The following DCHS2 variants were observed in gnomAD, a reference collection of about 807,000 sequenced individuals.
DCHS2 encodes the protein dachsous cadherin-related 2.
In DCHS2, 142 loss-of-function variants were observed where a neutral mutation model predicts 182.4. The ratio of observed to expected loss-of-function variants is 0.78; its 90% CI spans 0.68 to 0.89. The LOEUF (loss-of-function observed/expected upper bound fraction) is 0.89. Ranked by LOEUF, DCHS2 falls within the 40% of genes least tolerant of loss-of-function variation. The pLI, the probability that DCHS2 is intolerant of heterozygous loss-of-function variation, is 0.00. For missense variants in DCHS2, 4,319 were observed against 4,198.6 expected (o/e 1.03, Z -0.79); for synonymous variants, 1,740 against 1,663.3 (o/e 1.05, Z -1.12).
At chr4:154,384,125 T>A (rs944089198) in intron 1 of DCHS2, among the ~76,000 whole-genome samples, 1 of 152,186 alleles carries the variant, frequency 6.6e-6, no homozygotes, top group Non-Finnish European at 1.5e-5. Flanking sequence ...GAAATAGGAC[T>A]ATAATATTCC....
chr4:154,240,460 C>T (rs748669929), intron 18 of DCHS2, 77 bp downstream of exon 18: 28 of 1,511,218 alleles, frequency 1.9e-5, no homozygotes, highest in Admixed American at 4.0e-5. Flanking sequence ...ATTAGTCTAT[C>T]GGCGATGGAA....
chr4:154,235,363 C>T lies in DCHS2; in HGVS notation c.9289G>A (p.Val3097Met). ...RHSNSSGHCS[V>M]EGETAEDKEI... The stretch of plus-strand genomic sequence containing the variant: ...TTATCTTCTGCAGTTTCTCCTTCCA[C>T]AGAACAGTGGCCACTGGAGTTTGAG... The change falls in exon 20 of 20, where the codon GTG (valine) becomes ATG (methionine). Residue 3097 changes from valine (V) to methionine (M), a missense_variant. Physicochemically the swap from Val to Met is conservative, Grantham distance 21 (BLOSUM62 1). Coordinates refer to ENST00000357232, the MANE Select transcript of DCHS2 (RefSeq NM_001358235.2). The T allele has an allele frequency of 1.9e-6, 3 of 1,614,090 alleles. No homozygotes were observed. The highest frequency in any genetic ancestry group is 2.5e-6 in the Non-Finnish European group (3 of 1,179,980).
intron 13 of DCHS2, among the ~76,000 whole-genome samples, chr4:154,279,541 A>G (rs1734026304): frequency 6.6e-6 from 1 of 152,072 alleles, no homozygotes; most frequent in Non-Finnish European, 1.5e-5. Context: ...AGTCCATTCA[A>G]CCACAATGGA....
intron 1 of DCHS2, among the ~76,000 whole-genome samples, chr4:154,454,144 C>T (rs1383547229): frequency 1.3e-5 from 2 of 152,124 alleles, no homozygotes; most frequent in Non-Finnish European, 2.9e-5. Context: ...CGCACACACA[C>T]ACACACACAC....
intron 12 of DCHS2, 99 bp from the exon 13 acceptor site, chr4:154,298,807 T>C (rs73857236): frequency 0.029 from 40,887 of 1,425,142 alleles, 2,137 homozygotes; most frequent in African/African-American, 0.23. Context: ...ATTAAAAATA[T>C]ATTTATTCCC....
At position 154,240,524 on chromosome 4, in the gene DCHS2, T is replaced by C. The variant is rs1560975786; in HGVS notation, c.7359+13A>G. On this transcript the variant is annotated intron_variant, in intron 18 of 19. Transcript: ENST00000357232. ...TTTTGGCTTTGGTTTCGGCATCTCT[T>C]TAAGCCCTTTACCTGATAGAAATCT... 2 of 1,611,842 alleles carry C rather than the reference T, an allele frequency of 1.2e-6. No homozygotes were observed. Among genetic ancestry groups the C allele is most frequent in the Non-Finnish European group, 8.5e-7 (1 of 1,178,464 alleles).
chr4:154,405,796 G>T (rs192597497), intron 1 of DCHS2, among the ~76,000 whole-genome samples: 1 of 152,142 alleles, frequency 6.6e-6, no homozygotes, highest in East Asian at 1.9e-4. Context: ...GTCAACTTGG[G>T]TTATTTCTCA....
intron 18 of DCHS2, among the ~76,000 whole-genome samples, chr4:154,240,330 G>C (rs959538034): frequency 6.6e-6 from 1 of 150,618 alleles, no homozygotes; most frequent in Middle Eastern, 3.4e-3. Flanking sequence ...AAATACATAT[G>C]TAGTAAACTA....
At chr4:154,485,743 G>T (rs1053181467) in intron 1 of DCHS2, among the ~76,000 whole-genome samples, 2 of 152,176 alleles carry the variant, frequency 1.3e-5, no homozygotes, top group African/African-American at 4.8e-5. Context: ...GTATTTGAGG[G>T]AGTATGAAAG....
chr4:154,320,298 C>T (rs1736006326), intron 9 of DCHS2, 81 bp downstream of exon 9: 2 of 1,524,400 alleles, frequency 1.3e-6, no homozygotes, highest in Middle Eastern at 1.8e-4. Context: ...ACACTTAAAA[C>T]TTTGTTAGGA....
At chr4:154,342,546 T>A (rs111344416) in intron 3 of DCHS2, among the ~76,000 whole-genome samples, 3,991 of 152,320 alleles carry the variant, frequency 0.026, 167 homozygotes, top group African/African-American at 0.09. Flanking sequence ...AAATCCTTTG[T>A]TGTCATTTCA....
At chr4:154,322,516 A>C in intron 7 of DCHS2, 28 bp from the exon 8 acceptor site, 1 of 1,574,612 alleles carries the variant, frequency 6.4e-7, no homozygotes, top group Non-Finnish European at 8.6e-7. Context: ...TTAAGAAATG[A>C]ATGTTAATTG....
chr4:154,313,153 AT>A (rs1735730345), intron 10 of DCHS2, among the ~76,000 whole-genome samples: 1 of 152,184 alleles, frequency 6.6e-6, no homozygotes, highest in African/African-American at 2.4e-5. Context: ...CTTTGAGCGA[AT>A]GTGAGTGGTA....
chr4:154,383,623 G>T (rs1171482703), intron 1 of DCHS2, among the ~76,000 whole-genome samples: 1 of 152,094 alleles, frequency 6.6e-6, no homozygotes, highest in Non-Finnish European at 1.5e-5. Context: ...TGTTTCCATG[G>T]TTTTTGGATG....
chr4:154,487,077 C>A (rs1437398277), intron 1 of DCHS2, among the ~76,000 whole-genome samples: 4 of 152,066 alleles, frequency 2.6e-5, no homozygotes, highest in African/African-American at 9.7e-5. Context: ...AGGCTTTCAT[C>A]AAAAAAATCA....
At chr4:154,310,199 T>C (rs1050943474) in intron 10 of DCHS2, among the ~76,000 whole-genome samples, 2 of 152,244 alleles carry the variant, frequency 1.3e-5, no homozygotes, top group Non-Finnish European at 2.9e-5. Context: ...TTCTAAGTTA[T>C]ATTGGCATAA....
chr4:154,369,123 G>T (rs138174030), intron 2 of DCHS2, among the ~76,000 whole-genome samples: 14 of 152,138 alleles, frequency 9.2e-5, no homozygotes, highest in African/African-American at 3.4e-4. Flanking sequence ...ACCCACATGG[G>T]ACAACTATTG....
At chr4:154,456,389 C>T (rs558437954) in intron 1 of DCHS2, among the ~76,000 whole-genome samples, 313 of 152,282 alleles carry the variant, frequency 2.1e-3, no homozygotes, top group Non-Finnish European at 3.8e-3. Context: ...TAGACTCAGT[C>T]CCTGTCCTCC....
At chr4:154,421,299 C>A (rs185419715) in intron 1 of DCHS2, among the ~76,000 whole-genome samples, 4 of 152,162 alleles carry the variant, frequency 2.6e-5, no homozygotes, top group African/African-American at 7.2e-5. Flanking sequence ...CATTAAGCAT[C>A]GAAATACTTT....
Sources: allele counts gnomAD v4.1 joint callset (sites outside exome capture counted in the v4.1 genomes callset), GRCh38; gene constraint gnomAD v4.1.1; transcripts MANE v1.5; gene names NCBI Gene and HGNC (gene_info 2026-07-23, HGNC 2026-07-21).